C1orf94: variants seen among roughly 807,000 people sequenced by gnomAD.
C1orf94 encodes chromosome 1 open reading frame 94, also known as uncharacterized protein C1orf94.
In C1orf94, 45 loss-of-function variants were observed where a neutral mutation model predicts 53.6. That is an observed-to-expected ratio of 0.84 (90% CI 0.66 to 1.08). The LOEUF (loss-of-function observed/expected upper bound fraction) is 1.08, where lower values mean the gene tolerates loss of function less well. Among genes scored for constraint, C1orf94 ranks in the 50% least tolerant of loss-of-function variants. The pLI, the probability that C1orf94 is intolerant of heterozygous loss-of-function variation, is 0.00. For missense variants in C1orf94, 762 were observed against 738.9 expected, an observed-to-expected ratio of 1.03 and a Z score of -0.36; for synonymous variants, 304 against 296.1, an observed-to-expected ratio of 1.03 and a Z score of -0.27.
chr1:34,178,479 G>T (rs1035771862), intron 1 of C1orf94, among the ~76,000 whole-genome samples: 1 of 152,174 alleles, frequency 6.6e-6, no homozygotes, highest in Non-Finnish European at 1.5e-5. Context: ...CCACCTAAAG[G>T]CTAGGCATTC....
chr1:34,170,522 T>TG, intron 1 of C1orf94, among the ~76,000 whole-genome samples: 1 of 152,204 alleles, frequency 6.6e-6, no homozygotes, highest in Non-Finnish European at 1.5e-5. Flanking sequence ...AGGAAGGGTG[T>TG]GGGGTGGAAA....
Position 34,177,582 on chromosome 1 carries a change from A to G in C1orf94, c.-208A>G, listed in dbSNP as rs1243781867. 3.8e-6 allele frequency: 2 copies of G among 530,676 alleles called. No individual in the cohort carries two copies. The highest frequency in any genetic ancestry group is 6.7e-6 in the Non-Finnish European group (2 of 300,692). The allele number at this position is 530,676 out of a possible 1,614,324, so 32.9% of individuals were successfully genotyped here. A position where few individuals can be genotyped will look rare whatever the true frequency, so the allele number is the denominator to read the frequency against. ...TGTTGACTTTTAAATATTTTCTTCTAAGGGAGAGGGGGAGGGAGGCAAAAG... is the reference window on the plus strand; with the variant it reads ...TGTTGACTTTTAAATATTTTCTTCTGAGGGAGAGGGGGAGGGAGGCAAAAG... On this transcript the variant is annotated 5_prime_UTR_variant, in exon 1 of 7. Transcript: ENST00000488417.
chr1:34,210,731 T>G (rs986507703), intron 5 of C1orf94, among the ~76,000 whole-genome samples: 3 of 152,010 alleles, frequency 2.0e-5, no homozygotes, highest in Non-Finnish European at 2.9e-5. Flanking sequence ...CTTGGCTCAC[T>G]GCAACCTCCA....
At chr1:34,184,582 CT>C (rs1642358038) in intron 1 of C1orf94, among the ~76,000 whole-genome samples, 2 of 152,218 alleles carry the variant, frequency 1.3e-5, no homozygotes, top group Non-Finnish European at 2.9e-5. Flanking sequence ...TGATTGGCAG[CT>C]TTCTGAGGCT....
In C1orf94 at chr1:34,200,852, G is replaced by A. The variant is rs145958815; in HGVS notation, c.1090G>A (p.Ala364Thr). ...LSQWPQSQKD[A>T]CGEEGCCDAV... ...CCAGTGGCCCCAGAGCCAGAAGGACGCCTGTGGTGAGGAGGGTTGCTGTGA... is the reference window on the plus strand; with the variant it reads ...CCAGTGGCCCCAGAGCCAGAAGGACACCTGTGGTGAGGAGGGTTGCTGTGA... The change falls in exon 3 of 7, where the codon GCC (alanine) becomes ACC (threonine). Residue 364 changes from alanine (A) to threonine (T), a missense_variant. Transcript: ENST00000488417. 1.7e-5 allele frequency: 28 copies of A among 1,614,166 alleles called. No individual in the cohort carries two copies. The highest frequency in any genetic ancestry group is 1.5e-4 in the Admixed American group (9 of 60,026).
Position 34,177,835 on chromosome 1 carries a change from G to T in C1orf94, c.46G>T (p.Gly16Cys). Residue 16 changes from glycine (G) to cysteine (C), a missense_variant, in exon 1 of 7, where the codon GGC (glycine) becomes TGC (cysteine). By Grantham distance (159) the Gly-to-Cys change is radical. Transcript: ENST00000488417. Reference sequence around the variant, plus strand: ...TGTTCTAGCCCTGGGTGGACAGAGGGGCTTCCAGAAAGAGAGGAGGAGGAT... The same window carrying T: ...TGTTCTAGCCCTGGGTGGACAGAGGTGCTTCCAGAAAGAGAGGAGGAGGAT... ...GCVLALGGQR[G>C]FQKERRRMAS... The T allele has an allele frequency of 6.5e-7, 1 of 1,550,026 alleles. No individual in the cohort carries two copies. The highest frequency in any genetic ancestry group is 8.7e-7 in the Non-Finnish European group (1 of 1,145,794).
intron 1 of C1orf94, among the ~76,000 whole-genome samples, chr1:34,194,424 G>T (rs548753156): frequency 3.2e-4 from 48 of 152,260 alleles, no homozygotes; most frequent in African/African-American, 1.0e-3. Flanking sequence ...CCTCCCAGGT[G>T]CTGAGAAGGG....
chr1:34,196,963 C>T (rs1034506757), intron 1 of C1orf94, among the ~76,000 whole-genome samples: 4 of 152,210 alleles, frequency 2.6e-5, no homozygotes, highest in African/African-American at 9.6e-5. Context: ...GAGGCTGTGA[C>T]TTGCCCCAGC....
At position 34,218,054 on chromosome 1, in the gene C1orf94, G is replaced by T. The variant is rs566921700; in HGVS notation, c.1722-632G>T. 8.5e-5 allele frequency among the ~76,000 whole-genome samples: 13 copies of T among 152,250 alleles called. No homozygotes were observed. In the South Asian group the frequency reaches 2.1e-3, roughly 24 times the overall value. On this transcript the variant is annotated intron_variant, in intron 6 of 6. Coordinates refer to ENST00000488417, the MANE Select transcript of C1orf94 (RefSeq NM_001134734.2). ...TGAAGTATGGATAGGAGTGTGCCAG[G>T]GAGAAAAGGAGAGGCGTGTGCATTT... is the stretch of plus-strand genomic sequence containing the variant.
intron 1 of C1orf94, among the ~76,000 whole-genome samples, chr1:34,179,958 A>G (rs1294152032): frequency 6.6e-6 from 1 of 152,200 alleles, no homozygotes; most frequent in African/African-American, 2.4e-5. Context: ...GAGAAAAGAG[A>G]TAGGAAACCA....
At chr1:34,208,469 C>G (rs1642835990) in intron 5 of C1orf94, among the ~76,000 whole-genome samples, 1 of 152,202 alleles carries the variant, frequency 6.6e-6, no homozygotes. Flanking sequence ...TCCGTAAGGA[C>G]TGTGTCTGCA....
At chr1:34,167,581 C>G (rs1279550389) in intron 1 of C1orf94, among the ~76,000 whole-genome samples, 2 of 152,208 alleles carry the variant, frequency 1.3e-5, no homozygotes, top group Non-Finnish European at 2.9e-5. Context: ...GCTCTCTGAT[C>G]TATTTGGGTC....
upstream of C1orf94, among the ~76,000 whole-genome samples, chr1:34,175,669 C>T (rs1238680999): frequency 1.3e-5 from 2 of 152,128 alleles, no homozygotes. Flanking sequence ...ACTTTACATA[C>T]AGTATACCAT....
intron 1 of C1orf94, among the ~76,000 whole-genome samples, chr1:34,184,742 A>G (rs1191344197): frequency 1.3e-5 from 2 of 152,060 alleles, no homozygotes; most frequent in East Asian, 1.9e-4. Flanking sequence ...CCCAACAAAC[A>G]TCTCTTTGTG....
chr1:34,201,496 T>A (rs369870042), intron 3 of C1orf94, among the ~76,000 whole-genome samples: 9 of 152,216 alleles, frequency 5.9e-5, no homozygotes, highest in African/African-American at 2.2e-4. Flanking sequence ...AAAGGAAGAA[T>A]CCAGGATTCT....
chr1:34,218,763 TCTC>T lies in C1orf94; in HGVS notation c.*6_*8del. On this transcript the variant is annotated 3_prime_UTR_variant, in exon 7 of 7. Transcript: ENST00000488417. ...AGTGGGAATGGCATAAACTTTTAGA[TCTC>T]CTCTTCTCCCTTCTCCTCCCTTAGC... The T allele has an allele frequency of 6.2e-7, 1 of 1,610,828 alleles. No homozygotes were observed. Among genetic ancestry groups the T allele is most frequent in the Non-Finnish European group, 8.5e-7 (1 of 1,177,746 alleles).
chr1:34,217,571 C>G (rs182120664), intron 6 of C1orf94, among the ~76,000 whole-genome samples: 3 of 152,266 alleles, frequency 2.0e-5, no homozygotes, highest in Admixed American at 2.0e-4. Flanking sequence ...GCCCTGGGCA[C>G]ATGATATGAA....
chr1:34,200,707 A>T, intron 2 of C1orf94, 65 bp from the exon 3 acceptor site: 1 of 1,590,652 alleles, frequency 6.3e-7, no homozygotes, highest in East Asian at 2.2e-5. Flanking sequence ...GTCCACAAAA[A>T]GGTGCTTCCA....
In C1orf94 at chr1:34,197,615, C is replaced by A. The variant is rs1369787971; in HGVS notation, c.711C>A (p.Ser237Arg). Residue 237 changes from serine to arginine, a missense_variant, in exon 2 of 7, where the codon AGC (serine) becomes AGA (arginine). By Grantham distance (110) the Ser-to-Arg change is moderately radical (BLOSUM62 -1). Coordinates refer to ENST00000488417, the MANE Select transcript of C1orf94 (RefSeq NM_001134734.2). The surrounding 1 kb of genome is among the most constrained non-coding windows in gnomAD (Gnocchi z 4.1). The stretch of plus-strand genomic sequence containing the variant: ...TAGGTGACTCCAACTTGCAAGTCAG[C>A]AAGCTTCTGTCCCAGTTCCCACTGA... ...RILGDSNLQV[S>R]KLLSQFPLKS... 1 of 1,614,130 alleles carries A rather than the reference C, an allele frequency of 6.2e-7. No individual in the cohort carries two copies. The highest frequency in any genetic ancestry group is 8.5e-7 in the Non-Finnish European group (1 of 1,179,994).
Sources: gnomAD v4.1 joint callset for allele counts (sites outside exome capture counted in the v4.1 genomes callset) on GRCh38, gnomAD v4.1.1 for gene constraint, Gnocchi (gnomAD v3.1) non-coding constraint, MANE v1.5 for transcripts, NCBI Gene and HGNC (gene_info 2026-07-23, HGNC 2026-07-21) for gene names.